Variants in ZBED4 observed in about 807,000 individuals in gnomAD.
The protein encoded by ZBED4 is zinc finger BED-type containing 4, also known as zinc finger BED domain-containing protein 4.
ZBED4 carries 4 observed loss-of-function variants against 15.5 expected under a neutral mutation model. That is an observed-to-expected ratio of 0.26 (90% CI 0.13 to 0.59). The LOEUF (loss-of-function observed/expected upper bound fraction) is 0.59. Ranked by LOEUF, ZBED4 falls within the 20% of genes least tolerant of loss-of-function variation. ZBED4 has a pLI of 0.90. For synonymous variants in ZBED4, 692 were observed against 608.5 expected, an observed-to-expected ratio of 1.14 and a Z score of -2.02; for missense variants, 1,323 against 1,461.8, an observed-to-expected ratio of 0.91 and a Z score of 1.55.
intron 1 of ZBED4, among the ~76,000 whole-genome samples, chr22:49,854,810 G>A (rs2060268026): frequency 6.6e-6 from 1 of 152,164 alleles, no homozygotes; most frequent in South Asian, 2.1e-4. Context: ...GGTCGAAAGG[G>A]AAGTTATTTA....
chr22:49,870,943 A>AT (rs61472662), intron 1 of ZBED4, among the ~76,000 whole-genome samples: 11,547 of 138,046 alleles, frequency 0.084, 1,224 homozygotes, highest in African/African-American at 0.24. Context: ...TAAAAGATAG[A>AT]TTTTTTTTTT....
At chr22:49,864,950 C>CCCCCCCCCCG (rs199801448) in intron 1 of ZBED4, among the ~76,000 whole-genome samples, 1 of 74,736 alleles carries the variant, frequency 1.3e-5, no homozygotes, top group African/African-American at 1.7e-4. Flanking sequence ...CCCCCCCCCC[C>CCCCCCCCCCG]CCGTGAAGTC....
chr22:49,853,144 T>A (rs900326082), upstream of ZBED4: 4 of 152,304 alleles, frequency 2.6e-5, no homozygotes, highest in Non-Finnish European at 5.9e-5. Flanking sequence ...GTTTATTTGG[T>A]CTGCTCAAAC....
chr22:49,885,550 C>A lies in ZBED4; in HGVS notation c.1888C>A (p.Pro630Thr). Residue 630 changes from proline to threonine, a missense_variant, in exon 2 of 2, where the codon CCG (proline) becomes ACG (threonine). Physicochemically the swap from Pro to Thr is conservative, Grantham distance 38. Around this residue, in one of 6 missense-constraint regions of ZBED4, gnomAD observed 429 missense variants for 397.9 expected, o/e 1.08. Coordinates refer to ENST00000216268, the MANE Select transcript of ZBED4 (RefSeq NM_014838.3). ...GCCCTCCTCTCCGGACACCCGGGTG[C>A]CGCGGGGCACAGAATTATCAGGCGC... Reference protein sequence around the residue: ...ARPSSPDTRVPRGTELSGASS... With the variant: ...ARPSSPDTRVTRGTELSGASS... 1 of 1,605,012 alleles carries A rather than the reference C, an allele frequency of 6.2e-7. No individual in the cohort carries two copies. Among genetic ancestry groups the A allele is most frequent in the Non-Finnish European group, 8.5e-7 (1 of 1,172,642 alleles).
In ZBED4 at chr22:49,885,050, A is replaced by C. The variant is rs747541628; in HGVS notation, c.1388A>C (p.His463Pro). 6.2e-7 allele frequency: 1 copy of C among 1,612,370 alleles called. No homozygotes were observed. Among genetic ancestry groups the C allele is most frequent in the Admixed American group, 1.7e-5 (1 of 59,618 alleles). ...VMKRLKSEVW[H>P]HFSLAPMDSL... ...AAAAGACTGAAGTCGGAGGTCTGGC[A>C]TCACTTCTCCCTGGCCCCCATGGAC... is the stretch of plus-strand genomic sequence containing the variant. Residue 463 changes from histidine (H) to proline (P), a missense_variant, in exon 2 of 2, where the codon CAT becomes CCT. His to Pro is a moderately conservative substitution (Grantham distance 77). Around this residue, in one of 6 missense-constraint regions of ZBED4, gnomAD observed 429 missense variants for 397.9 expected, o/e 1.08. Coordinates refer to ENST00000216268, the MANE Select transcript of ZBED4 (RefSeq NM_014838.3).
chr22:49,856,816 C>A (rs4455267), intron 1 of ZBED4, among the ~76,000 whole-genome samples: 78,014 of 107,398 alleles, frequency 0.73, 32,685 homozygotes, highest in East Asian at 0.9. Flanking sequence ...GTGAAGGCCG[C>A]GCTGGAATCC....
chr22:49,875,596 T>C (rs1353938779), intron 1 of ZBED4, among the ~76,000 whole-genome samples: 1 of 151,876 alleles, frequency 6.6e-6, no homozygotes, highest in Non-Finnish European at 1.5e-5. Flanking sequence ...AATTTTTGTA[T>C]TTTTAGTAGA....
Position 49,883,721 on chromosome 22 carries a change from T to C in ZBED4, c.59T>C (p.Ile20Thr). The C allele has an allele frequency of 1.2e-6, 2 of 1,607,214 alleles. No homozygotes were observed. The highest frequency in any genetic ancestry group is 1.7e-6 in the Non-Finnish European group (2 of 1,175,130). Residue 20 changes from isoleucine to threonine, a missense_variant, in exon 2 of 2, where the codon ATA (isoleucine) becomes ACA (threonine). Transcript: ENST00000216268. ...KEDGDFVSDK[I>T]KFKIEEEDDD... The stretch of plus-strand genomic sequence containing the variant: ...GACGGTGATTTCGTTTCTGATAAAA[T>C]AAAGTTTAAAATAGAAGAGGAAGAT...
At position 49,887,565 on chromosome 22, in the gene ZBED4, T is replaced by C. The variant is rs1289870643; in HGVS notation, c.*387T>C. The C allele has an allele frequency of 2.2e-5, 4 of 181,244 alleles. No homozygotes were observed. The highest frequency in any genetic ancestry group is 5.2e-5 in the Non-Finnish European group (4 of 76,320). 11.2% of individuals were successfully genotyped at this position (181,244 alleles called of 1,614,324 possible). A position where few individuals can be genotyped will look rare whatever the true frequency, so the allele number is the denominator to read the frequency against. ...TGTACAAACCACAAATCAGGTACTG[T>C]ATTTTAGTGAAGCATTGCTTTAATT... On this transcript the variant is annotated 3_prime_UTR_variant, in exon 2 of 2. Coordinates refer to ENST00000216268, the MANE Select transcript of ZBED4 (RefSeq NM_014838.3).
chr22:49,884,160 G>T lies in ZBED4; in HGVS notation c.498G>T (p.Pro166=). The change falls in exon 2 of 2, where the codon CCG becomes CCT. Residue 166 remains proline, a synonymous_variant. Transcript: ENST00000216268. Reference sequence around the variant, plus strand: ...TGAGGCACGTGAGGCGCGCACACCCGACCGTGCTCATTCAGGAAAATGGCA... The same window carrying T: ...TGAGGCACGTGAGGCGCGCACACCCTACCGTGCTCATTCAGGAAAATGGCA... ...CLMRHVRRAH[P]TVLIQENGSV... 1 of 1,613,010 alleles carries T rather than the reference G, an allele frequency of 6.2e-7. No homozygotes were observed. Among genetic ancestry groups the T allele is most frequent in the South Asian group, 1.1e-5 (1 of 90,942 alleles).
chr22:49,882,462 G>T (rs1347643914), intron 1 of ZBED4, among the ~76,000 whole-genome samples: 1 of 152,176 alleles, frequency 6.6e-6, no homozygotes, highest in African/African-American at 2.4e-5. Flanking sequence ...TTTTATTATA[G>T]AATATTTATG....
chr22:49,886,645 G>A lies in ZBED4; in HGVS notation c.2983G>A (p.Ala995Thr). ...GGAGGCCATGGTGAGCCGCCTGTCT[G>A]CCACCCTCCACGACCCGCGGTACGT... ...LKEAMVSRLS[A>T]TLHDPRYVFA... The change falls in exon 2 of 2, where the codon GCC becomes ACC. Residue 995 changes from alanine to threonine, a missense_variant. Around this residue, in one of 6 missense-constraint regions of ZBED4, gnomAD observed 312 missense variants for 410.7 expected, o/e 0.76. Coordinates refer to ENST00000216268, the MANE Select transcript of ZBED4 (RefSeq NM_014838.3). This position sits in a 1 kb window ranked among gnomAD's most constrained non-coding sequence, Gnocchi z 7.7. The A allele has an allele frequency of 6.3e-7, 1 of 1,597,714 alleles. No individual in the cohort carries two copies. The highest frequency in any genetic ancestry group is 8.5e-7 in the Non-Finnish European group (1 of 1,172,444).
chr22:49,855,471 G>A (rs1601778965), intron 1 of ZBED4, among the ~76,000 whole-genome samples: 1 of 152,304 alleles, frequency 6.6e-6, no homozygotes, highest in South Asian at 2.1e-4. Flanking sequence ...TAACTCAGCT[G>A]TGCAAAGTAT....
At position 49,886,838 on chromosome 22, in the gene ZBED4, C is replaced by T. The variant is rs771413343; in HGVS notation, c.3176C>T (p.Ala1059Val). The T allele has an allele frequency of 3.1e-6, 5 of 1,613,876 alleles. No homozygotes were observed. The highest frequency in any genetic ancestry group is 8.5e-7 in the Non-Finnish European group (1 of 1,180,000). Residue 1059 changes from alanine to valine, a missense_variant, in exon 2 of 2, where the codon GCC becomes GTC. Coordinates refer to ENST00000216268, the MANE Select transcript of ZBED4 (RefSeq NM_014838.3). This position sits in a 1 kb window ranked among gnomAD's most constrained non-coding sequence, Gnocchi z 7.7. The stretch of plus-strand genomic sequence containing the variant: ...GCTGGCTCCCCGTCGAAAGACTCTG[C>T]CGCAGAGGAGAACCTGTGGTCACTT... ...CDAGSPSKDSAAEENLWSLVA... is the reference protein window; with the variant it reads ...CDAGSPSKDSVAEENLWSLVA...
In ZBED4 at chr22:49,887,038, C is replaced by G; in HGVS notation, c.3376C>G (p.Pro1126Ala). 6.2e-7 allele frequency: 1 copy of G among 1,614,152 alleles called. No individual in the cohort carries two copies. Among genetic ancestry groups the G allele is most frequent in the African/African-American group, 1.3e-5 (1 of 75,054 alleles). Reference protein sequence around the residue: ...ALAVRFLGCPPSIVPSEKLFN... With the variant: ...ALAVRFLGCPASIVPSEKLFN... The stretch of plus-strand genomic sequence containing the variant: ...GGCCGTCAGATTTTTGGGCTGCCCC[C>G]CAAGCATCGTCCCTTCAGAAAAGCT... Residue 1126 changes from proline (P) to alanine (A), a missense_variant, in exon 2 of 2, where the codon CCA (proline) becomes GCA (alanine). By Grantham distance (27) the Pro-to-Ala change is conservative. Around this residue, in one of 6 missense-constraint regions of ZBED4, gnomAD observed 312 missense variants for 410.7 expected, o/e 0.76. Transcript: ENST00000216268.
At chr22:49,863,563 G>T (rs1163480709) in intron 1 of ZBED4, among the ~76,000 whole-genome samples, 1 of 151,772 alleles carries the variant, frequency 6.6e-6, no homozygotes, top group Non-Finnish European at 1.5e-5. Context: ...GGAGGCGGAG[G>T]TTGCGGTGAG....
At position 49,885,227 on chromosome 22, in the gene ZBED4, ACT is replaced by A; in HGVS notation, c.1569_1570del (p.Pro524ValfsTer16). The A allele has an allele frequency of 6.2e-7, 1 of 1,612,616 alleles. No homozygotes were observed. Among genetic ancestry groups the A allele is most frequent in the Non-Finnish European group, 8.5e-7 (1 of 1,179,236 alleles). ...GGCTTCCTGGGTGCAAGTCTGGCAA[ACT>A]CTCCGTATGCCACTTTGGCCTCTGC... On this transcript the variant is annotated frameshift_variant, in exon 2 of 2. Coordinates refer to ENST00000216268, the MANE Select transcript of ZBED4 (RefSeq NM_014838.3). LOFTEE classifies it low-confidence loss of function (END_TRUNC).
chr22:49,853,663 C>T (rs1455366764), upstream of ZBED4, among the ~76,000 whole-genome samples: 1 of 151,676 alleles, frequency 6.6e-6, no homozygotes, highest in Non-Finnish European at 1.5e-5. Flanking sequence ...GCGCATTGCG[C>T]CTGCGTCTTC....
At chr22:49,880,115 T>G (rs1158881009) in intron 1 of ZBED4, among the ~76,000 whole-genome samples, 1 of 120,376 alleles carries the variant, frequency 8.3e-6, no homozygotes, top group Non-Finnish European at 1.9e-5. Flanking sequence ...ATAGACCGTT[T>G]CCTCCTCTTG....
Sources: gnomAD v4.1 joint callset for allele counts (sites outside exome capture counted in the v4.1 genomes callset) on GRCh38, gnomAD v4.1.1 for gene constraint, gnomAD v4.1.1 regional missense constraint, Gnocchi (gnomAD v3.1) non-coding constraint, MANE v1.5 for transcripts, NCBI Gene and HGNC (gene_info 2026-07-23, HGNC 2026-07-21) for gene names.